TMEM132D: variants seen among roughly 807,000 people sequenced by gnomAD.
TMEM132D encodes mature OL transmembrane protein.
In TMEM132D, 21 loss-of-function variants were observed where a neutral mutation model predicts 62.3. The observed-to-expected ratio is 0.34, with a 90% confidence interval of 0.24 to 0.49. The LOEUF is 0.49. TMEM132D is among the 20% of genes least tolerant of loss of function. The pLI is 0.99. For synonymous variants in TMEM132D, 621 were observed against 575.6 expected (o/e 1.08, Z -1.13); for missense variants, 1,346 against 1,402.8 (o/e 0.96, Z 0.65).
intron 5 of TMEM132D, among the ~76,000 whole-genome samples, chr12:129,131,924 C>T (rs1189848577): frequency 6.6e-6 from 1 of 152,020 alleles, no homozygotes; most frequent in Non-Finnish European, 1.5e-5. Context: ...TTATAGGAGA[C>T]CACAGGGTAA....
intron 1 of TMEM132D, among the ~76,000 whole-genome samples, chr12:129,704,427 G>A (rs546605097): frequency 1.2e-4 from 19 of 152,322 alleles, no homozygotes; most frequent in South Asian, 6.2e-4. Flanking sequence ...AGGGGGCGCC[G>A]CGCTGCACAG....
intron 2 of TMEM132D, among the ~76,000 whole-genome samples, chr12:129,693,275 A>C (rs916893155): frequency 2.0e-5 from 3 of 152,212 alleles, no homozygotes; most frequent in African/African-American, 7.2e-5. Context: ...TTGAGCAACA[A>C]AATTCATAAA....
intron 2 of TMEM132D, among the ~76,000 whole-genome samples, chr12:129,590,205 C>T (rs1034832778): frequency 5.3e-5 from 8 of 152,140 alleles, no homozygotes; most frequent in Non-Finnish European, 1.0e-4. Context: ...ATGTGTTTCT[C>T]CAGGTGCCGT....
At chr12:129,516,400 A>G (rs1280141290) in intron 3 of TMEM132D, among the ~76,000 whole-genome samples, 2 of 152,204 alleles carry the variant, frequency 1.3e-5, no homozygotes, top group Non-Finnish European at 2.9e-5. Context: ...TACAAAGAAA[A>G]AGAGGTTTAA....
intron 4 of TMEM132D, among the ~76,000 whole-genome samples, chr12:129,326,599 A>G (rs1434576972): frequency 6.6e-6 from 1 of 152,200 alleles, no homozygotes; most frequent in Non-Finnish European, 1.5e-5. Context: ...CCCCACATGC[A>G]GGGTGGAATC....
intron 4 of TMEM132D, among the ~76,000 whole-genome samples, chr12:129,251,361 A>C (rs1880260923): frequency 7.8e-5 from 2 of 25,480 alleles, no homozygotes; most frequent in South Asian, 1.6e-3. Context: ...CTGTCTCAAA[A>C]AAAAAAAAAA....
chr12:129,311,499 A>C (rs896301080), intron 4 of TMEM132D, among the ~76,000 whole-genome samples: 3 of 152,240 alleles, frequency 2.0e-5, no homozygotes, highest in Admixed American at 6.5e-5. Context: ...GATGTTGTGA[A>C]TAATGCACTG....
intron 3 of TMEM132D, among the ~76,000 whole-genome samples, chr12:129,407,224 C>G (rs1871818033): frequency 1.3e-5 from 2 of 152,240 alleles, no homozygotes; most frequent in African/African-American, 4.8e-5. Flanking sequence ...AACACAAAGA[C>G]TGCAGCCCAA....
chr12:129,426,220 TATGAGATGGCTACACC>T (rs1362875608), intron 3 of TMEM132D, among the ~76,000 whole-genome samples: 2 of 152,152 alleles, frequency 1.3e-5, no homozygotes, highest in East Asian at 3.9e-4. Flanking sequence ...GCCTCATGGT[TATGAGATGGCTACACC>T]ATCTCCCTCC....
chr12:129,573,152 C>A (rs377420672), intron 2 of TMEM132D, among the ~76,000 whole-genome samples: 1 of 152,128 alleles, frequency 6.6e-6, no homozygotes, highest in Non-Finnish European at 1.5e-5. Flanking sequence ...GGAGACCCTG[C>A]GCCTACACAA....
intron 1 of TMEM132D, among the ~76,000 whole-genome samples, chr12:129,737,319 C>A (rs1415345931): frequency 6.6e-6 from 1 of 152,194 alleles, no homozygotes; most frequent in Non-Finnish European, 1.5e-5. Context: ...CATTGACCTA[C>A]AAGAAGTATT....
At chr12:129,337,955 T>G in intron 3 of TMEM132D, 138 bp from the exon 4 acceptor site, 1 of 855,440 alleles carries the variant, frequency 1.2e-6, no homozygotes, top group East Asian at 2.7e-5. Flanking sequence ...GCAAAGAGCA[T>G]TCAGAGATGC....
intron 3 of TMEM132D, among the ~76,000 whole-genome samples, chr12:129,430,831 T>C (rs1872634797): frequency 6.6e-6 from 1 of 152,216 alleles, no homozygotes; most frequent in Non-Finnish European, 1.5e-5. Context: ...GAAAAAGGTG[T>C]TCTTTTATTC....
intron 2 of TMEM132D, among the ~76,000 whole-genome samples, chr12:129,661,825 G>T (rs1329559978): frequency 6.6e-6 from 1 of 152,112 alleles, no homozygotes; most frequent in African/African-American, 2.4e-5. Flanking sequence ...CAGACAACAA[G>T]ATTTTATTGT....
chr12:129,664,535 C>G (rs558961543), intron 2 of TMEM132D, among the ~76,000 whole-genome samples: 18 of 150,852 alleles, frequency 1.2e-4, no homozygotes, highest in African/African-American at 4.4e-4. Context: ...CACCATTCTC[C>G]TGCCTCAGCC....
chr12:129,326,294 A>AG (rs1028516499), intron 4 of TMEM132D, among the ~76,000 whole-genome samples: 6 of 152,140 alleles, frequency 3.9e-5, no homozygotes, highest in Non-Finnish European at 5.9e-5. Flanking sequence ...TGGGGATTGT[A>AG]GGGGGGGATT....
chr12:129,725,735 T>C (rs1169441797), intron 1 of TMEM132D, among the ~76,000 whole-genome samples: 1 of 152,216 alleles, frequency 6.6e-6, no homozygotes, highest in East Asian at 1.9e-4. Context: ...CTATTTTATT[T>C]CCAATGGATA....
At chr12:129,652,384 T>C (rs1017728940) in intron 2 of TMEM132D, among the ~76,000 whole-genome samples, 3 of 152,200 alleles carry the variant, frequency 2.0e-5, no homozygotes, top group Non-Finnish European at 2.9e-5. Context: ...TCCTAAGCCC[T>C]GGAACCTGCG....
At chr12:129,262,695 T>C (rs1242781407) in intron 4 of TMEM132D, 2 of 152,242 alleles carry the variant, frequency 1.3e-5, no homozygotes, top group Admixed American at 1.3e-4. Flanking sequence ...TGTCTCATTG[T>C]TGTGACCCTA....
Sources: gnomAD v4.1 joint callset for allele counts (sites outside exome capture counted in the v4.1 genomes callset) on GRCh38, gnomAD v4.1.1 for gene constraint, MANE v1.5 for transcripts, NCBI Gene and HGNC (gene_info 2026-07-23, HGNC 2026-07-21) for gene names.